The following B4GALNT3 variants were observed in gnomAD, a reference collection of about 807,000 sequenced individuals.
The protein encoded by B4GALNT3 is beta-1,4-N-acetyl-galactosaminyltransferase 3.
A neutral mutation model predicts 120.2 loss-of-function variants in B4GALNT3; 86 were observed. The ratio of observed to expected loss-of-function variants is 0.72; its 90% CI spans 0.60 to 0.86. B4GALNT3 has a LOEUF of 0.86. Ranked by LOEUF, B4GALNT3 falls within the 40% of genes least tolerant of loss-of-function variation. The pLI, the probability that B4GALNT3 is intolerant of heterozygous loss-of-function variation, is 0.00. For missense variants in B4GALNT3, 1,167 were observed against 1,298.9 expected, an observed-to-expected ratio of 0.90 and a Z score of 1.56; for synonymous variants, 518 against 510.4, an observed-to-expected ratio of 1.01 and a Z score of -0.20.
chr12:487,333 AATC>A, intron 1 of B4GALNT3, among the ~76,000 whole-genome samples: 1 of 152,216 alleles, frequency 6.6e-6, no homozygotes, highest in Non-Finnish European at 1.5e-5. Context: ...GAAGCTCAGA[AATC>A]ATCAAGCAGG....
chr12:561,289 C>A (rs1413319558), intron 19 of B4GALNT3, 54 bp from the exon 20 acceptor site: 5 of 1,435,254 alleles, frequency 3.5e-6, no homozygotes, highest in Non-Finnish European at 3.9e-6. Context: ...GGGGAGGGGC[C>A]CCCCAGCTGC....
intron 1 of B4GALNT3, among the ~76,000 whole-genome samples, chr12:483,657 C>A (rs573185620): frequency 6.6e-6 from 1 of 152,196 alleles, no homozygotes; most frequent in African/African-American, 2.4e-5. Context: ...GAGGTCATGC[C>A]ACTGCACTCC....
intron 1 of B4GALNT3, among the ~76,000 whole-genome samples, chr12:517,240 C>T (rs767165292): frequency 7.2e-5 from 11 of 152,086 alleles, no homozygotes; most frequent in African/African-American, 2.2e-4. Flanking sequence ...AGACAAATAT[C>T]GGGGACTGAC....
intron 1 of B4GALNT3, among the ~76,000 whole-genome samples, chr12:492,345 T>C (rs556098195): frequency 6.6e-6 from 1 of 152,278 alleles, no homozygotes; most frequent in South Asian, 2.1e-4. Context: ...AATTTGAAAT[T>C]AAAAACTCAT....
chr12:555,684 A>G (rs894605628), intron 14 of B4GALNT3, among the ~76,000 whole-genome samples: 8 of 152,176 alleles, frequency 5.3e-5, no homozygotes, highest in South Asian at 2.1e-4. Flanking sequence ...CAACTGCATC[A>G]TTTCACATTC....
intron 1 of B4GALNT3, among the ~76,000 whole-genome samples, chr12:525,928 C>T (rs979596510): frequency 3.3e-5 from 5 of 152,172 alleles, no homozygotes; most frequent in African/African-American, 9.7e-5. Flanking sequence ...TCCCGGAAAA[C>T]GTGTGCAGAA....
At chr12:537,796 T>A (rs978039140) in intron 3 of B4GALNT3, among the ~76,000 whole-genome samples, 5 of 152,208 alleles carry the variant, frequency 3.3e-5, no homozygotes, top group Non-Finnish European at 5.9e-5. Context: ...GGCTAGCTCA[T>A]TGTCTTCATC....
intron 18 of B4GALNT3, among the ~76,000 whole-genome samples, chr12:559,048 C>T (rs879533108): frequency 4.6e-5 from 7 of 151,986 alleles, no homozygotes; most frequent in East Asian, 1.9e-4. Context: ...TGCCGCTGTC[C>T]GATCCATTTG....
At chr12:522,461 G>C (rs966860405) in intron 1 of B4GALNT3, among the ~76,000 whole-genome samples, 4 of 152,204 alleles carry the variant, frequency 2.6e-5, no homozygotes, top group Non-Finnish European at 5.9e-5. Flanking sequence ...TCTGTGAGTA[G>C]TCAAATTCAT....
chr12:472,783 T>C (rs1176093475), intron 1 of B4GALNT3, among the ~76,000 whole-genome samples: 1 of 152,150 alleles, frequency 6.6e-6, no homozygotes, highest in Non-Finnish European at 1.5e-5. Flanking sequence ...AGAGTCTCAC[T>C]ATGTTGCCTA....
chr12:554,772 A>G (rs1422448002), intron 14 of B4GALNT3, among the ~76,000 whole-genome samples: 2 of 116,020 alleles, frequency 1.7e-5, no homozygotes, highest in Non-Finnish European at 3.4e-5. Context: ...CCTGGGCGAC[A>G]GAGCAAGACT....
chr12:470,110 G>A (rs1374495473), intron 1 of B4GALNT3, among the ~76,000 whole-genome samples: 1 of 152,230 alleles, frequency 6.6e-6, no homozygotes, highest in Non-Finnish European at 1.5e-5. Flanking sequence ...CCTTGCAGGA[G>A]TAGATTTGGA....
At chr12:487,907 C>T (rs1037320660) in intron 1 of B4GALNT3, among the ~76,000 whole-genome samples, 8 of 151,976 alleles carry the variant, frequency 5.3e-5, no homozygotes, top group Admixed American at 4.6e-4. Flanking sequence ...GCTGTGGTTA[C>T]ACCATTGCAC....
chr12:546,778 C>T lies in B4GALNT3; in HGVS notation c.707+65C>T, dbSNP rs955568613. ...GCCTCGGTGGAGCCCGGCTGCGCCC[C>T]TGTCCGCCAGCCCAGCTGCCGACTC... On this transcript the variant is annotated intron_variant, in intron 7 of 19. Coordinates refer to ENST00000266383, the MANE Select transcript of B4GALNT3 (RefSeq NM_173593.4). The T allele has an allele frequency of 2.7e-6, 4 of 1,465,154 alleles. No homozygotes were observed. In the African/African-American group the frequency reaches 5.6e-5, roughly 21 times the overall value. The allele number at this position is 1,465,154 out of a possible 1,614,324, so 90.8% of individuals were successfully genotyped here.
Position 554,561 on chromosome 12 carries a change from C to T in B4GALNT3, c.2060+578C>T, listed in dbSNP as rs541236736. 7.7e-3 allele frequency among the ~76,000 whole-genome samples: 1,160 copies of T among 150,610 alleles called. 14 individuals carry two copies. The highest frequency in any genetic ancestry group is 0.027 in the African/African-American group (1,089 of 40,986). On this transcript the variant is annotated intron_variant, in intron 14 of 19. Coordinates refer to ENST00000266383, the MANE Select transcript of B4GALNT3 (RefSeq NM_173593.4). ...ATCCCAGCACTTTGGGAGGCCGAGG[C>T]GGGCGGATCACGAGGTCAGGAGATC...
intron 1 of B4GALNT3, among the ~76,000 whole-genome samples, chr12:481,894 C>T (rs1364952543): frequency 1.3e-5 from 2 of 152,106 alleles, no homozygotes; most frequent in African/African-American, 4.8e-5. Context: ...CCTCCATCTC[C>T]TCTTTCTAGG....
At chr12:557,823 G>A (rs2120744372) in intron 16 of B4GALNT3, 62 bp downstream of exon 16, 9 of 1,547,552 alleles carry the variant, frequency 5.8e-6, no homozygotes, top group East Asian at 2.3e-5. Context: ...TCCTAGGGCT[G>A]CTGGGTCCAG....
intron 1 of B4GALNT3, among the ~76,000 whole-genome samples, chr12:501,190 T>C (rs1946440813): frequency 6.6e-6 from 1 of 152,178 alleles, no homozygotes; most frequent in African/African-American, 2.4e-5. Flanking sequence ...TTTACTTGGC[T>C]AAGTATTTAC....
At chr12:518,260 C>G (rs1349911634) in intron 1 of B4GALNT3, among the ~76,000 whole-genome samples, 1 of 152,286 alleles carries the variant, frequency 6.6e-6, no homozygotes, top group East Asian at 1.9e-4. Flanking sequence ...TTCAATCATC[C>G]ACTCAGAGCC....
Sources: gnomAD v4.1 joint callset for allele counts (sites outside exome capture counted in the v4.1 genomes callset) on GRCh38, gnomAD v4.1.1 for gene constraint, MANE v1.5 for transcripts, NCBI Gene and HGNC (gene_info 2026-07-23, HGNC 2026-07-21) for gene names.